NDUFAF6: variants seen among roughly 807,000 people sequenced by gnomAD.
NDUFAF6 encodes the protein NADH:ubiquinone oxidoreductase complex assembly factor 6, also known as NADH dehydrogenase (ubiquinone) complex I, assembly factor 6.
NDUFAF6 carries 45 observed loss-of-function variants against 40.8 expected under a neutral mutation model. The observed-to-expected ratio is 1.10, with a 90% CI of 0.87 to 1.42. The LOEUF (loss-of-function observed/expected upper bound fraction) is 1.42. Ranked by LOEUF, NDUFAF6 falls within the 40% of genes most tolerant of loss-of-function variation. The probability of loss-of-function intolerance (pLI) is 0.00; values close to 1 mark genes in which losing one functional copy is unlikely to be tolerated. For missense variants in NDUFAF6, 435 were observed against 418.5 expected (o/e 1.04, Z -0.34); for synonymous variants, 185 against 155.9 (o/e 1.19, Z -1.39).
downstream of NDUFAF6, among the ~76,000 whole-genome samples, chr8:95,063,545 C>T (rs112063491): frequency 6.6e-6 from 1 of 152,094 alleles, no homozygotes; most frequent in African/African-American, 2.4e-5. Context: ...TGCAATGAGC[C>T]GAGATCGCTC....
At chr8:95,051,456 A>T (rs866651808) in intron 7 of NDUFAF6, among the ~76,000 whole-genome samples, 1 of 152,204 alleles carries the variant, frequency 6.6e-6, no homozygotes, top group Non-Finnish European at 1.5e-5. Context: ...TTGGGGGTCA[A>T]ACTGGAGTAT....
chr8:95,055,858 C>T (rs1832056013), intron 8 of NDUFAF6, among the ~76,000 whole-genome samples: 2 of 152,076 alleles, frequency 1.3e-5, no homozygotes, highest in African/African-American at 4.8e-5. Flanking sequence ...ATGAACTTAC[C>T]ACTCGAGCCA....
At chr8:95,017,029 C>A (rs1474048563) in intron 2 of NDUFAF6, among the ~76,000 whole-genome samples, 1 of 149,184 alleles carries the variant, frequency 6.7e-6, no homozygotes, top group Non-Finnish European at 1.5e-5. Flanking sequence ...AACTTCTGGG[C>A]TCAAGTGATT....
At chr8:95,114,831 A>G (rs6983365) in intron 4 of NDUFAF6, among the ~76,000 whole-genome samples, 127,958 of 152,232 alleles carry the variant, frequency 0.84, 54,281 homozygotes, top group East Asian at 1. Context: ...CAGTGCTTCA[A>G]ATTAGATCTG....
At chr8:95,003,083 A>G (rs1302931287) in intron 2 of NDUFAF6, among the ~76,000 whole-genome samples, 1 of 152,218 alleles carries the variant, frequency 6.6e-6, no homozygotes, top group Non-Finnish European at 1.5e-5. Flanking sequence ...AGCTTTGGTC[A>G]TGTACCTACA....
At chr8:95,009,633 G>C (rs1827148207) in intron 2 of NDUFAF6, among the ~76,000 whole-genome samples, 1 of 152,162 alleles carries the variant, frequency 6.6e-6, no homozygotes, top group East Asian at 1.9e-4. Flanking sequence ...AACCCCATCT[G>C]CTTCGGGCCA....
chr8:94,946,960 GTTTC>G (rs1822071930), intron 2 of NDUFAF6, among the ~76,000 whole-genome samples: 1 of 152,072 alleles, frequency 6.6e-6, no homozygotes, highest in African/African-American at 2.4e-5. Context: ...CTGCATTTGA[GTTTC>G]TTTATCCATA....
At chr8:95,091,819 TTG>T (rs1334226700) in intron 2 of NDUFAF6, among the ~76,000 whole-genome samples, 1 of 147,046 alleles carries the variant, frequency 6.8e-6, no homozygotes, top group African/African-American at 2.5e-5. Flanking sequence ...TTTTTTTTTT[TTG>T]TAGAGACAGG....
intron 2 of NDUFAF6, among the ~76,000 whole-genome samples, chr8:95,014,288 T>G (rs940170087): frequency 6.6e-6 from 1 of 152,226 alleles, no homozygotes; most frequent in Non-Finnish European, 1.5e-5. Context: ...ATAACTGAAT[T>G]GTGTCAAACA....
intron 6 of NDUFAF6, 86 bp downstream of exon 6, chr8:95,047,213 C>G: frequency 1.3e-6 from 2 of 1,565,012 alleles, no homozygotes; most frequent in Admixed American, 3.4e-5. Context: ...TTAGTCTATT[C>G]AAGTAATTGC....
At chr8:94,967,134 G>A (rs1030268757) in intron 1 of NDUFAF6, among the ~76,000 whole-genome samples, 9 of 152,238 alleles carry the variant, frequency 5.9e-5, no homozygotes, top group Non-Finnish European at 4.4e-5. Flanking sequence ...CATGAAAAGT[G>A]TAATCATTAG....
chr8:95,052,289 T>A, intron 8 of NDUFAF6, 59 bp downstream of exon 8: 1 of 1,547,912 alleles, frequency 6.5e-7, no homozygotes, highest in Non-Finnish European at 8.9e-7. Flanking sequence ...ATGATCTGTT[T>A]TTATATTTTA....
intron 1 of NDUFAF6, among the ~76,000 whole-genome samples, chr8:94,958,920 TGTAAA>T (rs1466592305): frequency 1.3e-5 from 2 of 152,348 alleles, no homozygotes; most frequent in South Asian, 2.1e-4. Context: ...GAAATTTTGT[TGTAAA>T]GGAAAGCAAA....
intron 1 of NDUFAF6, among the ~76,000 whole-genome samples, chr8:94,964,170 G>A (rs996292329): frequency 2.0e-5 from 3 of 152,164 alleles, no homozygotes; most frequent in African/African-American, 7.2e-5. Context: ...GCTCATGCCT[G>A]TAATCGCAGC....
chr8:95,111,234 A>G (rs1017569036), intron 4 of NDUFAF6, among the ~76,000 whole-genome samples: 1 of 152,088 alleles, frequency 6.6e-6, no homozygotes, highest in Non-Finnish European at 1.5e-5. Flanking sequence ...GAGGCAAGCC[A>G]AAAGGAGTCA....
chr8:95,082,147 T>C (rs960647696), intron 2 of NDUFAF6, among the ~76,000 whole-genome samples: 7 of 151,326 alleles, frequency 4.6e-5, no homozygotes, highest in Admixed American at 2.6e-4. Context: ...TAGAAATAAC[T>C]GAAGTAAGAG....
Position 95,068,651 on chromosome 8 carries a change from C to A in NDUFAF6, c.*512-6982C>A, listed in dbSNP as rs1037835183. On this transcript the variant is annotated intron_variant and NMD_transcript_variant, in intron 9 of 9. Coordinates refer to the NDUFAF6 transcript ENST00000520757. The stretch of plus-strand genomic sequence containing the variant: ...CAAGGCCCCTTTTGTTCTCTTAGGA[C>A]AATGAAGGAGTGAGAGGGCGCTTCC... The A allele has an allele frequency of 4.0e-5, 6 of 151,852 alleles. 1 individual carries two copies. The highest frequency in any genetic ancestry group is 1.5e-4 in the African/African-American group (6 of 41,128). The allele number at this position is 151,852 out of a possible 1,614,324, so 9.4% of individuals were successfully genotyped here.
chr8:94,908,272 A>G (rs1022420801), intron 1 of NDUFAF6, among the ~76,000 whole-genome samples: 3 of 152,336 alleles, frequency 2.0e-5, no homozygotes, highest in African/African-American at 7.2e-5. Flanking sequence ...TTCCATAAAT[A>G]TGTGTGGAAT....
At chr8:94,948,289 C>A (rs867256304) in intron 2 of NDUFAF6, among the ~76,000 whole-genome samples, 1 of 152,122 alleles carries the variant, frequency 6.6e-6, no homozygotes, top group Admixed American at 6.5e-5. Context: ...TCTCTCTGTG[C>A]CTCGGGTTTC....
Sources: gnomAD v4.1 joint callset for allele counts (sites outside exome capture counted in the v4.1 genomes callset) on GRCh38, gnomAD v4.1.1 for gene constraint, MANE v1.5 for transcripts, NCBI Gene and HGNC (gene_info 2026-07-23, HGNC 2026-07-21) for gene names.